Variants in DPRX observed in about 807,000 individuals in gnomAD.
DPRX encodes the protein divergent paired-related homeobox.
In DPRX, 11 loss-of-function variants were observed where a neutral mutation model predicts 8.4. The observed-to-expected ratio is 1.31, with a 90% CI of 0.82 to 2.17. The LOEUF (loss-of-function observed/expected upper bound fraction) is 2.17. Among genes scored for constraint, DPRX ranks in the 30% most tolerant of loss-of-function variants. DPRX has a pLI of 0.00. For missense variants in DPRX, 211 were observed against 236.7 expected (o/e 0.89, Z 0.71); for synonymous variants, 72 against 87.0 (o/e 0.83, Z 0.96).
At chr19:53,603,019 A>ATGTGTGTGTGTGTGTGTT in the DPRX span, among the ~76,000 whole-genome samples, 1 of 147,528 alleles carries the variant, frequency 6.8e-6, no homozygotes, top group Non-Finnish European at 1.5e-5. Flanking sequence ...GTGTGTGTGT[A>ATGTGTGTGTGTGTGTGTT]TATATGTGTG....
At chr19:53,636,281 G>A (rs533631593) in intron 2 of DPRX, among the ~76,000 whole-genome samples, 34 of 152,018 alleles carry the variant, frequency 2.2e-4, no homozygotes, top group Middle Eastern at 3.4e-3. Flanking sequence ...CAGAAGCATC[G>A]CTTGAACCTG....
the DPRX span, among the ~76,000 whole-genome samples, chr19:53,619,875 A>C: frequency 8.0e-5 from 11 of 138,206 alleles, no homozygotes; most frequent in African/African-American, 2.9e-4. Context: ...AAAAAAAAGG[A>C]TAAGTTGCTG....
chr19:53,635,720 C>G (rs1028685990), intron 2 of DPRX, among the ~76,000 whole-genome samples: 2 of 152,052 alleles, frequency 1.3e-5, no homozygotes, highest in Non-Finnish European at 2.9e-5. Flanking sequence ...TCTTTCAGTC[C>G]CAACACACAT....
upstream of DPRX, among the ~76,000 whole-genome samples, chr19:53,630,726 T>C (rs1360535471): frequency 6.6e-6 from 1 of 151,924 alleles, no homozygotes; most frequent in South Asian, 2.1e-4. Flanking sequence ...GAACTGAGAT[T>C]CAAATGGATG....
chr19:53,603,469 C>G, the DPRX span: 36 of 450,604 alleles, frequency 8.0e-5, 1 homozygote, highest in African/African-American at 6.2e-4. Context: ...GCTGGGGATT[C>G]TGCTTTGGGT....
the DPRX span, among the ~76,000 whole-genome samples, chr19:53,604,843 C>CAA: frequency 1.7e-3 from 159 of 94,642 alleles, 1 homozygote; most frequent in African/African-American, 4.8e-3. Context: ...ACTCTGTCTC[C>CAA]AAAAAAAAAA....
the DPRX span, among the ~76,000 whole-genome samples, chr19:53,611,999 G>T: frequency 6.6e-6 from 1 of 152,144 alleles, no homozygotes; most frequent in Non-Finnish European, 1.5e-5. Flanking sequence ...CAGGAGAATT[G>T]CTTGAATCCG....
chr19:53,607,795 G>A, the DPRX span, among the ~76,000 whole-genome samples: 1 of 147,716 alleles, frequency 6.8e-6, no homozygotes, highest in African/African-American at 2.5e-5. Context: ...AGGTTGCAGT[G>A]AGCTGAAATT....
the DPRX span, among the ~76,000 whole-genome samples, chr19:53,620,351 G>C: frequency 6.6e-6 from 1 of 151,170 alleles, no homozygotes; most frequent in Non-Finnish European, 1.5e-5. Context: ...TTACAGGTGT[G>C]AGCCACCGTA....
the DPRX span, among the ~76,000 whole-genome samples, chr19:53,611,202 A>G: frequency 6.6e-6 from 1 of 152,092 alleles, no homozygotes; most frequent in African/African-American, 2.4e-5. Flanking sequence ...GAGCCCAGCC[A>G]CAAAGTGACC....
intron 1 of DPRX, among the ~76,000 whole-genome samples, chr19:53,633,022 G>A (rs981317526): frequency 1.3e-5 from 2 of 152,128 alleles, no homozygotes; most frequent in Non-Finnish European, 2.9e-5. Context: ...AGCGAGGCAT[G>A]CGGTGGCTCA....
the DPRX span, among the ~76,000 whole-genome samples, chr19:53,607,704 A>AC: frequency 6.9e-6 from 1 of 144,950 alleles, no homozygotes; most frequent in Non-Finnish European, 1.5e-5. Flanking sequence ...AAAAAAAAAA[A>AC]CCAAATTGGC....
chr19:53,637,006 A>G (rs1395772851), exon 3 of DPRX: 2 of 1,575,488 alleles, frequency 1.3e-6, no homozygotes, highest in East Asian at 2.2e-5. Context: ...AAAAAGTCAC[A>G]TGTTGTAATG....
At chr19:53,636,692 G>A (rs754556982) in exon 3 of DPRX, 4 of 1,613,968 alleles carry the variant, frequency 2.5e-6, no homozygotes, top group Middle Eastern at 1.6e-4. Flanking sequence ...ACCAGAGGGT[G>A]GGGTCTCCAC....
At chr19:53,602,270 GTGTGTGTGTGT>G in the DPRX span, 1 of 99,226 alleles carries the variant, frequency 1.0e-5, no homozygotes, top group South Asian at 9.0e-5. Context: ...GGGTATGGGT[GTGTGTGTGTGT>G]GTGTGTGTGT....
chr19:53,623,918 C>G, the DPRX span, among the ~76,000 whole-genome samples: 1 of 151,512 alleles, frequency 6.6e-6, no homozygotes, highest in Non-Finnish European at 1.5e-5. Flanking sequence ...CCATTGCACT[C>G]CAGCCAGGGC....
upstream of DPRX, among the ~76,000 whole-genome samples, chr19:53,631,361 A>G (rs2091091951): frequency 6.6e-6 from 1 of 152,128 alleles, no homozygotes; most frequent in East Asian, 1.9e-4. Context: ...TATGCAGAAC[A>G]ATGCCAAGCA....
chr19:53,628,892 A>C (rs2091080771), upstream of DPRX, among the ~76,000 whole-genome samples: 1 of 151,646 alleles, frequency 6.6e-6, no homozygotes, highest in Non-Finnish European at 1.5e-5. Flanking sequence ...CTGGCCCCAA[A>C]ACACTTTCCT....
At chr19:53,617,266 A>G in the DPRX span, 3 of 735,446 alleles carry the variant, frequency 4.1e-6, no homozygotes. Flanking sequence ...AGTGCCTTTA[A>G]GAAGAAATCA....
Sources: allele counts gnomAD v4.1 joint callset (sites outside exome capture counted in the v4.1 genomes callset), GRCh38; gene constraint gnomAD v4.1.1; transcripts MANE v1.5; gene names NCBI Gene and HGNC (gene_info 2026-07-23, HGNC 2026-07-21).